Variants in AGPAT3 observed in about 807,000 individuals in gnomAD.
AGPAT3 encodes the protein 1-acyl-sn-glycerol-3-phosphate acyltransferase gamma.
AGPAT3 carries 5 observed loss-of-function variants against 47.3 expected under a neutral mutation model. The observed-to-expected ratio is 0.11, with a 90% CI of 0.06 to 0.22. The LOEUF is 0.22. Ranked by LOEUF, AGPAT3 falls within the 10% of genes least tolerant of loss-of-function variation. The pLI is 1.00. For synonymous variants in AGPAT3, 212 were observed against 208.3 expected, an observed-to-expected ratio of 1.02 and a Z score of -0.15; for missense variants, 315 against 493.0, an observed-to-expected ratio of 0.64 and a Z score of 3.42.
chr21:43,970,829 C>T lies in AGPAT3; in HGVS notation c.664+23C>T, dbSNP rs370428560. The T allele has an allele frequency of 1.3e-5, 20 of 1,508,000 alleles. No homozygotes were observed. Among genetic ancestry groups the T allele is most frequent in the South Asian group, 7.7e-5 (6 of 77,818 alleles). The allele number at this position is 1,508,000 out of a possible 1,614,324, so 93.4% of individuals were successfully genotyped here. A position where few individuals can be genotyped will look rare whatever the true frequency, so the allele number is the denominator to read the frequency against. ...CAGGTAGGCCCCAGACTGCCCGAGC[C>T]GGGGCCACCGCTATGCTCACGGAAA... On this transcript the variant is annotated intron_variant, in intron 6 of 9. Coordinates refer to ENST00000291572, the MANE Select transcript of AGPAT3 (RefSeq NM_020132.5). This position sits in a 1 kb window ranked among gnomAD's most constrained non-coding sequence, Gnocchi z 5.8.
intron 2 of AGPAT3, among the ~76,000 whole-genome samples, chr21:43,913,023 C>T (rs1043260365): frequency 2.6e-5 from 4 of 152,172 alleles, no homozygotes; most frequent in African/African-American, 9.7e-5. Context: ...ATATTTAGTA[C>T]TGGCCCCTGC....
Position 43,985,943 on chromosome 21 carries a change from C to T in AGPAT3, c.*3551C>T, listed in dbSNP as rs1467955076. On this transcript the variant is annotated 3_prime_UTR_variant, in exon 10 of 10. Transcript: ENST00000291572. Reference sequence around the variant, plus strand: ...TTTCTGGAAACAGCACGTCCCCGGCCGTGTGCCTGCCCCTTTCTCTACTGA... The same window carrying T: ...TTTCTGGAAACAGCACGTCCCCGGCTGTGTGCCTGCCCCTTTCTCTACTGA... 6.6e-6 allele frequency: 1 copy of T among 152,526 alleles called. No individual in the cohort carries two copies. Among genetic ancestry groups the T allele is most frequent in the African/African-American group, 2.4e-5 (1 of 41,466 alleles). 9.4% of individuals were successfully genotyped at this position (152,526 alleles called of 1,614,324 possible). A position where few individuals can be genotyped will look rare whatever the true frequency, so the allele number is the denominator to read the frequency against.
chr21:43,887,481 G>A (rs1168236562), intron 1 of AGPAT3, among the ~76,000 whole-genome samples: 2 of 152,164 alleles, frequency 1.3e-5, no homozygotes, highest in African/African-American at 4.8e-5. Flanking sequence ...TGATGATGAA[G>A]AAGGCCTTAC....
chr21:43,887,640 G>A (rs2086010736), intron 1 of AGPAT3, among the ~76,000 whole-genome samples: 1 of 152,170 alleles, frequency 6.6e-6, no homozygotes, highest in African/African-American at 2.4e-5. Context: ...AATATAGGTA[G>A]TTGTATACAG....
chr21:43,956,622 A>G (rs778398532), intron 2 of AGPAT3, among the ~76,000 whole-genome samples: 1 of 152,094 alleles, frequency 6.6e-6, no homozygotes, highest in African/African-American at 2.4e-5. Context: ...AAACAGTACA[A>G]CTCCTTAACC....
intron 3 of AGPAT3, among the ~76,000 whole-genome samples, chr21:43,963,171 G>A (rs1007297126): frequency 6.6e-6 from 1 of 152,134 alleles, no homozygotes; most frequent in African/African-American, 2.4e-5. Context: ...CAGTAAAGGA[G>A]GTGAAAAATG....
At chr21:43,979,305 A>G (rs567270335) in intron 8 of AGPAT3, among the ~76,000 whole-genome samples, 1 of 147,600 alleles carries the variant, frequency 6.8e-6, no homozygotes, top group East Asian at 2.0e-4. Flanking sequence ...ACTCAAAAAA[A>G]AAAAAAAAAA....
At chr21:43,961,151 A>G (rs2088814003) in intron 3 of AGPAT3, among the ~76,000 whole-genome samples, 1 of 152,104 alleles carries the variant, frequency 6.6e-6, no homozygotes, top group African/African-American at 2.4e-5. Context: ...TAAAAAAAAA[A>G]AAAAAGAAAA....
At chr21:43,900,304 G>A (rs1365290264) in intron 1 of AGPAT3, among the ~76,000 whole-genome samples, 2 of 152,202 alleles carry the variant, frequency 1.3e-5, no homozygotes, top group Non-Finnish European at 2.9e-5. Flanking sequence ...TCTAGCCATG[G>A]TGGAAGATAC....
intron 1 of AGPAT3, among the ~76,000 whole-genome samples, chr21:43,883,320 C>A (rs925039652): frequency 6.6e-6 from 1 of 152,222 alleles, no homozygotes; most frequent in African/African-American, 2.4e-5. Context: ...ACTCTGGGAC[C>A]CCAGGGAGAG....
At chr21:43,916,470 G>A (rs895788070) in intron 2 of AGPAT3, 4 of 151,220 alleles carry the variant, frequency 2.6e-5, no homozygotes, top group African/African-American at 9.7e-5. Flanking sequence ...TTTAGTTTTA[G>A]CGTTATATTC....
At position 43,953,183 on chromosome 21, in the gene AGPAT3, C is replaced by T. The variant is rs570807121; in HGVS notation, c.-48-6451C>T. Reference sequence around the variant, plus strand: ...TTCAACACCATCAGGCCAGAGTAGGCGGGGAGCGTCTCGGGGAAAGGGGAC... The same window carrying T: ...TTCAACACCATCAGGCCAGAGTAGGTGGGGAGCGTCTCGGGGAAAGGGGAC... On this transcript the variant is annotated intron_variant, in intron 2 of 9. Coordinates refer to ENST00000291572, the MANE Select transcript of AGPAT3 (RefSeq NM_020132.5). 2.8e-3 allele frequency among the ~76,000 whole-genome samples: 422 copies of T among 152,256 alleles called. 2 individuals are homozygous for T. The highest frequency in any genetic ancestry group is 4.7e-3 in the Non-Finnish European group (318 of 68,012).
At chr21:43,883,978 C>T (rs1227311539) in intron 1 of AGPAT3, among the ~76,000 whole-genome samples, 1 of 152,148 alleles carries the variant, frequency 6.6e-6, no homozygotes, top group Non-Finnish European at 1.5e-5. Context: ...AATCCGCTTG[C>T]CTCAGCCTCC....
chr21:43,871,319 G>A (rs73906660), intron 1 of AGPAT3, among the ~76,000 whole-genome samples: 1 of 152,198 alleles, frequency 6.6e-6, no homozygotes, highest in Non-Finnish European at 1.5e-5. Flanking sequence ...ATGCTTAGAG[G>A]AAAGGAGAAG....
intron 7 of AGPAT3, 127 bp downstream of exon 7, chr21:43,971,617 G>A (rs868861653): frequency 1.5e-4 from 119 of 813,546 alleles, no homozygotes; most frequent in African/African-American, 3.9e-4. Context: ...GAACTCACAC[G>A]GAAGGCCTGT....
chr21:43,947,224 C>A (rs1375604998), intron 2 of AGPAT3, among the ~76,000 whole-genome samples: 1 of 152,256 alleles, frequency 6.6e-6, no homozygotes, highest in Non-Finnish European at 1.5e-5. Flanking sequence ...GTGGCAGACA[C>A]AACTTGGGGA....
At position 43,921,711 on chromosome 21, in the gene AGPAT3, G is replaced by GGGTCC. The variant is rs567530609; in HGVS notation, c.-49+17694_-49+17698dup. Among the ~76,000 whole-genome samples the GGGTCC allele has an allele frequency of 2.8e-4, 43 of 152,332 alleles. 1 individual carries two copies. The highest frequency in any genetic ancestry group is 1.0e-3 in the African/African-American group (42 of 41,572). ...GTGGTGCCTTTGAAGTCACTTCGCT[G>GGGTCC]GGTCCGCAATCAAAAGCCGGGGTTG... is the stretch of plus-strand genomic sequence containing the variant. On this transcript the variant is annotated intron_variant, in intron 2 of 9. Transcript: ENST00000291572.
chr21:43,948,963 A>G (rs944269797), intron 2 of AGPAT3, among the ~76,000 whole-genome samples: 4 of 152,116 alleles, frequency 2.6e-5, no homozygotes, highest in Non-Finnish European at 5.9e-5. Flanking sequence ...TTTAGTCTCA[A>G]TTGTTGGTCT....
intron 2 of AGPAT3, among the ~76,000 whole-genome samples, chr21:43,942,538 A>C (rs954581031): frequency 1.3e-5 from 2 of 152,226 alleles, no homozygotes; most frequent in African/African-American, 2.4e-5. Context: ...ACTGGTGTTC[A>C]GTATGTGACT....
Sources: allele counts gnomAD v4.1 joint callset (sites outside exome capture counted in the v4.1 genomes callset), GRCh38; gene constraint gnomAD v4.1.1; non-coding constraint Gnocchi (gnomAD v3.1); transcripts MANE v1.5; gene names NCBI Gene and HGNC (gene_info 2026-07-23, HGNC 2026-07-21).